The following ZNF704 variants were observed in gnomAD, a reference collection of about 807,000 sequenced individuals.
ZNF704 encodes zinc finger protein 704, also known as glucocorticoid induced gene 1.
ZNF704 carries 10 observed loss-of-function variants against 44.7 expected under a neutral mutation model. The ratio of observed to expected loss-of-function variants is 0.22; its 90% confidence interval spans 0.14 to 0.38. The LOEUF is 0.38. ZNF704 is among the 10% of genes least tolerant of loss of function. The pLI is 1.00. For synonymous variants in ZNF704, 211 were observed against 207.6 expected (o/e 1.02, Z -0.14); for missense variants, 390 against 545.5 (o/e 0.71, Z 2.84).
At chr8:80,734,574 T>C (rs1400509590) in intron 2 of ZNF704, among the ~76,000 whole-genome samples, 3 of 152,216 alleles carry the variant, frequency 2.0e-5, no homozygotes, top group Non-Finnish European at 2.9e-5. Flanking sequence ...ATGCTGTCAC[T>C]TTAAAAGGAA....
chr8:80,664,652 T>C (rs1818160062), intron 6 of ZNF704, among the ~76,000 whole-genome samples, 163 bp downstream of exon 6: 1 of 152,252 alleles, frequency 6.6e-6, no homozygotes, highest in African/African-American at 2.4e-5. Flanking sequence ...CATAGGACCC[T>C]ATCTGTGTGA....
chr8:80,744,019 G>A (rs371657920), intron 2 of ZNF704, among the ~76,000 whole-genome samples: 16 of 152,108 alleles, frequency 1.1e-4, no homozygotes, highest in African/African-American at 3.9e-4. Flanking sequence ...CTGCAAGACA[G>A]GGAGATCTTT....
At chr8:80,668,133 A>T (rs1218705237) in intron 5 of ZNF704, among the ~76,000 whole-genome samples, 1 of 152,212 alleles carries the variant, frequency 6.6e-6, no homozygotes, top group Non-Finnish European at 1.5e-5. Context: ...AATGTCAGAA[A>T]ATGTTTATTA....
At chr8:80,704,168 C>T (rs1055378829) in intron 2 of ZNF704, among the ~76,000 whole-genome samples, 1 of 152,096 alleles carries the variant, frequency 6.6e-6, no homozygotes, top group Non-Finnish European at 1.5e-5. Context: ...TTTCAAATCC[C>T]CTGAAAATAA....
At chr8:80,814,354 T>TA (rs1477655762) in intron 2 of ZNF704, 3 of 152,238 alleles carry the variant, frequency 2.0e-5, no homozygotes, top group Non-Finnish European at 4.4e-5. Context: ...CATTAAGTCA[T>TA]AATGTCAATT....
chr8:80,807,507 G>GT (rs1188943201), intron 2 of ZNF704, among the ~76,000 whole-genome samples: 3 of 151,590 alleles, frequency 2.0e-5, no homozygotes, highest in Non-Finnish European at 4.4e-5. Flanking sequence ...TTCTAAGTGG[G>GT]TACCCAATAA....
At chr8:80,695,868 T>C (rs1309894906) in intron 2 of ZNF704, among the ~76,000 whole-genome samples, 1 of 152,238 alleles carries the variant, frequency 6.6e-6, no homozygotes, top group African/African-American at 2.4e-5. Context: ...TTAAGTTTCC[T>C]GCTGGCACTG....
chr8:80,772,637 A>T (rs1457799581), intron 2 of ZNF704, among the ~76,000 whole-genome samples: 1 of 151,822 alleles, frequency 6.6e-6, no homozygotes, highest in Non-Finnish European at 1.5e-5. Flanking sequence ...CTCCCACCAC[A>T]CCCCACCTTC....
intron 1 of ZNF704, among the ~76,000 whole-genome samples, chr8:80,852,581 C>T (rs540699288): frequency 2.0e-4 from 30 of 152,288 alleles, no homozygotes; most frequent in African/African-American, 6.3e-4. Flanking sequence ...CTTACACAGA[C>T]TCCGAATGTT....
chr8:80,683,153 G>A (rs1818480422), intron 4 of ZNF704, among the ~76,000 whole-genome samples: 1 of 152,160 alleles, frequency 6.6e-6, no homozygotes, highest in Non-Finnish European at 1.5e-5. Context: ...CCTCCCCAAA[G>A]TCAAGAGTCC....
intron 1 of ZNF704, among the ~76,000 whole-genome samples, chr8:80,825,573 G>T (rs1808356874): frequency 6.6e-6 from 1 of 152,148 alleles, no homozygotes; most frequent in Non-Finnish European, 1.5e-5. Flanking sequence ...GCACCAAGCA[G>T]ACCTAATAGA....
chr8:80,676,641 T>TG (rs985705719), intron 4 of ZNF704, among the ~76,000 whole-genome samples: 1 of 152,154 alleles, frequency 6.6e-6, no homozygotes, highest in African/African-American at 2.4e-5. Context: ...TGAGGATACT[T>TG]GAGAAGGATA....
At chr8:80,884,022 C>T in the ZNF704 span, among the ~76,000 whole-genome samples, 1 of 152,220 alleles carries the variant, frequency 6.6e-6, no homozygotes, top group Non-Finnish European at 1.5e-5. Context: ...GAGACATCAG[C>T]ATATGCTGAT....
At chr8:80,731,323 T>C (rs577718741) in intron 2 of ZNF704, among the ~76,000 whole-genome samples, 1 of 152,326 alleles carries the variant, frequency 6.6e-6, no homozygotes, top group South Asian at 2.1e-4. Flanking sequence ...GCTGGGTATA[T>C]ATCAAATTAA....
chr8:80,681,842 T>C (rs1818458387), intron 4 of ZNF704, among the ~76,000 whole-genome samples: 1 of 152,188 alleles, frequency 6.6e-6, no homozygotes, highest in Non-Finnish European at 1.5e-5. Context: ...TCCAAAGTCC[T>C]TCGAACTCCA....
chr8:80,818,370 A>T (rs1464488544), intron 2 of ZNF704, among the ~76,000 whole-genome samples: 1 of 152,084 alleles, frequency 6.6e-6, no homozygotes, highest in Non-Finnish European at 1.5e-5. Flanking sequence ...TAAGATATGG[A>T]TACAGATATT....
At chr8:80,779,094 CT>C (rs1465610725) in intron 2 of ZNF704, among the ~76,000 whole-genome samples, 2 of 151,454 alleles carry the variant, frequency 1.3e-5, no homozygotes, top group African/African-American at 2.4e-5. Context: ...CTCCCTCCCC[CT>C]CTTCCTTCCT....
intron 2 of ZNF704, among the ~76,000 whole-genome samples, chr8:80,818,097 A>G (rs936453410): frequency 3.3e-5 from 5 of 152,202 alleles, no homozygotes; most frequent in African/African-American, 1.2e-4. Flanking sequence ...GTTACATGAA[A>G]TAAGCGATTG....
In ZNF704 at chr8:80,632,703, A is replaced by T. The variant is rs1817606341; in HGVS notation, c.*8663T>A. On this transcript the variant is annotated 3_prime_UTR_variant, in exon 9 of 9. Transcript: ENST00000327835. The stretch of plus-strand genomic sequence containing the variant: ...AAACAAGGACTACAGTTTAATCACC[A>T]TCTCTGCCTCCTTTCAAAATCTGTG... The T allele has an allele frequency of 6.6e-6, 1 of 152,144 alleles. No individual in the cohort carries two copies. Among genetic ancestry groups the T allele is most frequent in the Non-Finnish European group, 1.5e-5 (1 of 68,038 alleles). The allele number at this position is 152,144 out of a possible 1,614,324, so 9.4% of individuals were successfully genotyped here. A position where few individuals can be genotyped will look rare whatever the true frequency, so the allele number is the denominator to read the frequency against.
Sources: gnomAD v4.1 joint callset for allele counts (sites outside exome capture counted in the v4.1 genomes callset) on GRCh38, gnomAD v4.1.1 for gene constraint, MANE v1.5 for transcripts, NCBI Gene and HGNC (gene_info 2026-07-23, HGNC 2026-07-21) for gene names.